DSCAM: variants seen among roughly 807,000 people sequenced by gnomAD.
The protein encoded by DSCAM is DS cell adhesion molecule.
DSCAM carries 47 observed loss-of-function variants against 217.7 expected under a neutral mutation model. The observed-to-expected ratio is 0.22, with a 90% confidence interval of 0.17 to 0.28. The LOEUF (loss-of-function observed/expected upper bound fraction) is 0.28, where lower values mean the gene tolerates loss of function less well. Ranked by LOEUF, DSCAM falls within the 10% of genes least tolerant of loss-of-function variation. The pLI, the probability that DSCAM is intolerant of heterozygous loss-of-function variation, is 1.00. For synonymous variants in DSCAM, 1,056 were observed against 1,015.3 expected (o/e 1.04, Z -0.76); for missense variants, 2,080 against 2,618.3 (o/e 0.79, Z 4.49).
chr21:40,081,598 C>G (rs969497862), intron 24 of DSCAM, among the ~76,000 whole-genome samples: 2 of 152,150 alleles, frequency 1.3e-5, no homozygotes, highest in Non-Finnish European at 2.9e-5. Context: ...CAGCCACATC[C>G]CAGCCTGTAT....
intron 3 of DSCAM, among the ~76,000 whole-genome samples, chr21:40,529,070 A>AT (rs1307740879): frequency 1.1e-4 from 16 of 151,508 alleles, no homozygotes; most frequent in Admixed American, 3.9e-4. Flanking sequence ...CCCCCGGCTA[A>AT]TTTTTTTGTA....
At chr21:40,719,264 A>C (rs1211202465) in intron 1 of DSCAM, among the ~76,000 whole-genome samples, 1 of 152,232 alleles carries the variant, frequency 6.6e-6, no homozygotes, top group Non-Finnish European at 1.5e-5. Context: ...GTGGGGTACT[A>C]CTACACATCC....
intron 8 of DSCAM, among the ~76,000 whole-genome samples, chr21:40,330,980 A>C (rs914400336): frequency 1.3e-5 from 2 of 152,210 alleles, no homozygotes; most frequent in African/African-American, 4.8e-5. Context: ...AAATATGAAA[A>C]TATGTGGATG....
At chr21:40,131,463 T>C (rs143330171) in intron 19 of DSCAM, among the ~76,000 whole-genome samples, 1 of 152,152 alleles carries the variant, frequency 6.6e-6, no homozygotes, top group East Asian at 1.9e-4. Flanking sequence ...TCTCGATCCG[T>C]CACCCAGGCT....
intron 16 of DSCAM, among the ~76,000 whole-genome samples, chr21:40,164,573 G>A (rs1159566704): frequency 6.6e-6 from 1 of 152,132 alleles, no homozygotes; most frequent in Non-Finnish European, 1.5e-5. Flanking sequence ...CAAGGTGGGT[G>A]GATCACGTGA....
intron 11 of DSCAM, among the ~76,000 whole-genome samples, chr21:40,270,646 A>G (rs940602199): frequency 6.6e-6 from 1 of 152,164 alleles, no homozygotes; most frequent in African/African-American, 2.4e-5. Context: ...GTGTTGGAAG[A>G]GGGGCTTGGT....
rs746847056 is a variant in DSCAM at position 40,078,918 on chromosome 21, G to A, written c.4480C>T (p.Leu1494=). Residue 1494 remains leucine, a synonymous_variant, in exon 26 of 33, where the codon CTG becomes TTG. Coordinates refer to ENST00000400454, the MANE Select transcript of DSCAM (RefSeq NM_001389.5). Reference sequence around the variant, plus strand: ...CCATCATTCCAGCCAATGAGGTTCAGCCTCACGCGTGTGGTGTTGATGCTG... The same window carrying A: ...CCATCATTCCAGCCAATGAGGTTCAACCTCACGCGTGTGGTGTTGATGCTG... ...FASINTTRVR[L]NLIGWNDGGC... 5 of 1,614,242 alleles carry A rather than the reference G, an allele frequency of 3.1e-6. No individual in the cohort carries two copies. The highest frequency in any genetic ancestry group is 4.2e-6 in the Non-Finnish European group (5 of 1,180,026).
chr21:40,355,941 A>C, intron 4 of DSCAM, among the ~76,000 whole-genome samples: 1 of 152,228 alleles, frequency 6.6e-6, no homozygotes, highest in African/African-American at 2.4e-5. Context: ...CTTCAGGTTC[A>C]TCCATGTCAT....
chr21:40,653,305 T>C (rs1431975827), intron 3 of DSCAM, among the ~76,000 whole-genome samples: 1 of 152,014 alleles, frequency 6.6e-6, no homozygotes, highest in African/African-American at 2.4e-5. Flanking sequence ...CTTGGAGCAG[T>C]AGAAAAAAGA....
chr21:40,828,972 CA>C (rs1190834391), intron 1 of DSCAM, among the ~76,000 whole-genome samples: 1 of 152,202 alleles, frequency 6.6e-6, no homozygotes, highest in African/African-American at 2.4e-5. Flanking sequence ...CTTGTTACTA[CA>C]AGGTCTGCTT....
chr21:40,488,109 C>G (rs569839414), intron 3 of DSCAM, among the ~76,000 whole-genome samples: 156 of 152,346 alleles, frequency 1.0e-3, no homozygotes, highest in African/African-American at 3.1e-3. Context: ...TAAGGCTCCA[C>G]ATTAATCAAA....
In DSCAM at chr21:40,062,884, G is replaced by A. The variant is rs573903818; in HGVS notation, c.4904C>T (p.Ala1635Val). Residue 1635 changes from alanine (A) to valine (V), a missense_variant, in exon 28 of 33, where the codon GCT (alanine) becomes GTT (valine). By Grantham distance (64) the Ala-to-Val change is moderately conservative. This residue lies in a region of DSCAM where 1,144 missense variants were observed against 1,421.1 expected (regional missense o/e 0.81). Transcript: ENST00000400454. ...LKRLRDAKSL[A>V]EMLMSKNTRT... ...TTGTTCTTACCTCATGAGCATTTCA[G>A]CTAAACTCTTTGCATCTGGGGAAAG... 6.3e-7 allele frequency: 1 copy of A among 1,596,902 alleles called. No homozygotes were observed. Among genetic ancestry groups the A allele is most frequent in the South Asian group, 1.1e-5 (1 of 87,300 alleles).
chr21:40,526,535 A>G (rs2076401927), intron 3 of DSCAM, among the ~76,000 whole-genome samples: 1 of 152,106 alleles, frequency 6.6e-6, no homozygotes, highest in South Asian at 2.1e-4. Context: ...GACATCTGCC[A>G]AAAGAGGATG....
At chr21:40,474,935 C>G (rs1310661853) in intron 3 of DSCAM, among the ~76,000 whole-genome samples, 1 of 152,012 alleles carries the variant, frequency 6.6e-6, no homozygotes, top group East Asian at 1.9e-4. Context: ...AGGCCAGAGA[C>G]CTTCCATGGA....
At chr21:40,335,000 G>T (rs2074415629) in intron 8 of DSCAM, among the ~76,000 whole-genome samples, 1 of 151,936 alleles carries the variant, frequency 6.6e-6, no homozygotes. Context: ...TTGTTCACTT[G>T]GCTCCCACCA....
intron 3 of DSCAM, among the ~76,000 whole-genome samples, chr21:40,443,496 G>A (rs921729441): frequency 2.0e-5 from 3 of 152,192 alleles, no homozygotes; most frequent in Non-Finnish European, 4.4e-5. Flanking sequence ...TCCCGTCTGT[G>A]TTCCTGCTGG....
chr21:40,768,759 G>A (rs150346720), intron 1 of DSCAM, among the ~76,000 whole-genome samples: 22 of 152,284 alleles, frequency 1.4e-4, no homozygotes, highest in African/African-American at 2.9e-4. Context: ...CAAAGCTTGC[G>A]TTGATTGTAA....
At chr21:40,618,600 T>A (rs2089437007) in intron 3 of DSCAM, 1 of 150,728 alleles carries the variant, frequency 6.6e-6, no homozygotes, top group South Asian at 2.1e-4. Context: ...AGTCAGAGGG[T>A]AGATATAAAT....
chr21:40,122,929 A>G (rs1272480157), intron 20 of DSCAM, among the ~76,000 whole-genome samples: 1 of 152,212 alleles, frequency 6.6e-6, no homozygotes, highest in African/African-American at 2.4e-5. Context: ...TTAAAAGATT[A>G]ATCCATAAAT....
Sources: gnomAD v4.1 joint callset for allele counts (sites outside exome capture counted in the v4.1 genomes callset) on GRCh38, gnomAD v4.1.1 for gene constraint, gnomAD v4.1.1 regional missense constraint, MANE v1.5 for transcripts, NCBI Gene and HGNC (gene_info 2026-07-23, HGNC 2026-07-21) for gene names.